The following CD80 variants were observed in gnomAD, a reference collection of about 807,000 sequenced individuals.
CD80 encodes CD80 molecule, also known as T-lymphocyte activation antigen CD80.
Under a neutral mutation model 27.1 loss-of-function variants are expected in CD80, and 13 were observed. The observed-to-expected ratio is 0.48, with a 90% confidence interval of 0.31 to 0.76. The LOEUF (loss-of-function observed/expected upper bound fraction) is 0.76. Ranked by LOEUF, CD80 falls within the 30% of genes least tolerant of loss-of-function variation. The pLI, the probability that CD80 is intolerant of heterozygous loss-of-function variation, is 0.04. For missense variants in CD80, 277 were observed against 347.9 expected, an observed-to-expected ratio of 0.80 and a Z score of 1.62; for synonymous variants, 125 against 125.5, an observed-to-expected ratio of 1.00 and a Z score of 0.03.
intron 3 of CD80, among the ~76,000 whole-genome samples, chr3:119,543,632 G>T (rs1187000225): frequency 2.0e-5 from 3 of 151,566 alleles, no homozygotes; most frequent in African/African-American, 4.8e-5. Context: ...TAGAGATGGG[G>T]TTTCACCATG....
At chr3:119,557,511 C>T (rs767075956) in intron 2 of CD80, 118 bp downstream of exon 2, 60 of 583,824 alleles carry the variant, frequency 1.0e-4, no homozygotes, top group Non-Finnish European at 1.6e-4. Context: ...CTTCTGAAAA[C>T]ACCCTGAAGG....
intron 3 of CD80, among the ~76,000 whole-genome samples, chr3:119,539,113 A>G (rs539544890): frequency 1.4e-4 from 22 of 152,344 alleles, no homozygotes; most frequent in African/African-American, 4.6e-4. Flanking sequence ...ATTTGAAAAT[A>G]TCATTGAAAT....
intron 6 of CD80, among the ~76,000 whole-genome samples, chr3:119,526,553 C>T (rs2082067336): frequency 6.6e-6 from 1 of 152,042 alleles, no homozygotes; most frequent in Non-Finnish European, 1.5e-5. Context: ...GGAGCCTGAA[C>T]TTGATGTCCA....
At chr3:119,555,221 A>G (rs61476613) in intron 2 of CD80, among the ~76,000 whole-genome samples, 2,020 of 152,346 alleles carry the variant, frequency 0.013, 38 homozygotes, top group African/African-American at 0.045. Context: ...CCAGGGCAGT[A>G]CACTTGTTAC....
intron 3 of CD80, among the ~76,000 whole-genome samples, chr3:119,538,005 T>C (rs570970317): frequency 6.6e-6 from 1 of 152,302 alleles, no homozygotes; most frequent in African/African-American, 2.4e-5. Context: ...CCAGAGTACT[T>C]GCAATTGTAA....
chr3:119,526,032 A>T (rs992060901), intron 6 of CD80, among the ~76,000 whole-genome samples: 5 of 152,026 alleles, frequency 3.3e-5, no homozygotes, highest in Non-Finnish European at 5.9e-5. Context: ...ATTATGAGAG[A>T]ACTTAAAACT....
At chr3:119,531,368 C>G (rs1211922240) in intron 4 of CD80, among the ~76,000 whole-genome samples, 1 of 152,260 alleles carries the variant, frequency 6.6e-6, no homozygotes, top group South Asian at 2.1e-4. Context: ...AGGCTGAACA[C>G]TCTCTGGCTT....
At chr3:119,529,610 G>A (rs568066041) in intron 5 of CD80, among the ~76,000 whole-genome samples, 1 of 152,372 alleles carries the variant, frequency 6.6e-6, no homozygotes, top group Non-Finnish European at 1.5e-5. Flanking sequence ...GTGACTTCTT[G>A]TCATTGTAAT....
intron 1 of CD80, among the ~76,000 whole-genome samples, chr3:119,558,867 G>T (rs1308481032): frequency 6.6e-6 from 1 of 151,952 alleles, no homozygotes; most frequent in Non-Finnish European, 1.5e-5. Flanking sequence ...TAAACACTGT[G>T]CTCCACTGTC....
At chr3:119,549,572 T>C (rs1357991675) in intron 2 of CD80, among the ~76,000 whole-genome samples, 3 of 152,162 alleles carry the variant, frequency 2.0e-5, no homozygotes, top group African/African-American at 7.2e-5. Flanking sequence ...CCCTCTCTTT[T>C]CTTAGATAGC....
intron 2 of CD80, among the ~76,000 whole-genome samples, chr3:119,556,248 C>T (rs1362807944): frequency 6.6e-6 from 1 of 152,168 alleles, no homozygotes; most frequent in Non-Finnish European, 1.5e-5. Flanking sequence ...AGATCTCTTT[C>T]CACTTACCTC....
intron 4 of CD80, among the ~76,000 whole-genome samples, chr3:119,531,415 C>A (rs768438386): frequency 3.3e-5 from 5 of 152,238 alleles, no homozygotes; most frequent in African/African-American, 9.6e-5. Context: ...CGTGCCAGCA[C>A]CCTGGCCATA....
rs1169275475 is a variant in CD80, at chr3:119,525,382, T to C, written c.*406A>G. The C allele has an allele frequency of 2.6e-5, 4 of 152,158 alleles. No homozygotes were observed. The highest frequency in any genetic ancestry group is 3.8e-4 in the East Asian group (2 of 5,198). The allele number at this position is 152,158 out of a possible 1,614,324, so 9.4% of individuals were successfully genotyped here. A position where few individuals can be genotyped will look rare whatever the true frequency, so the allele number is the denominator to read the frequency against. On this transcript the variant is annotated 3_prime_UTR_variant, in exon 7 of 7. Coordinates refer to ENST00000264246, the MANE Select transcript of CD80 (RefSeq NM_005191.4). ...TTCCAGCAGCACTTTGCCTGACATATATATGTATATACCAGTTAACAGGCC... is the reference window on the plus strand; with the variant it reads ...TTCCAGCAGCACTTTGCCTGACATACATATGTATATACCAGTTAACAGGCC...
intron 4 of CD80, among the ~76,000 whole-genome samples, chr3:119,533,525 T>C (rs892362765): frequency 3.9e-5 from 6 of 151,954 alleles, no homozygotes; most frequent in Middle Eastern, 3.2e-3. Flanking sequence ...AGGAACCCAG[T>C]GGGAGGTGAC....
intron 4 of CD80, among the ~76,000 whole-genome samples, chr3:119,536,186 G>A (rs2082136900): frequency 6.6e-6 from 1 of 152,056 alleles, no homozygotes; most frequent in Admixed American, 6.5e-5. Context: ...GGAAGGTGGA[G>A]GTTGCAGTGA....
intron 3 of CD80, among the ~76,000 whole-genome samples, chr3:119,538,301 TTCTTC>T (rs2082150255): frequency 1.3e-5 from 2 of 152,318 alleles, no homozygotes; most frequent in South Asian, 2.1e-4. Flanking sequence ...TCCTTTCCCT[TTCTTC>T]TCTTCTCTTC....
intron 2 of CD80, among the ~76,000 whole-genome samples, chr3:119,556,194 G>A (rs567540343): frequency 9.9e-5 from 15 of 152,182 alleles, no homozygotes; most frequent in Non-Finnish European, 1.9e-4. Flanking sequence ...CCAGGATGTA[G>A]CTAGAGAACA....
At chr3:119,526,575 G>C (rs2082067404) in intron 6 of CD80, among the ~76,000 whole-genome samples, 1 of 152,004 alleles carries the variant, frequency 6.6e-6, no homozygotes. Flanking sequence ...TTTGAATCTT[G>C]GTTTTATTCT....
At chr3:119,552,106 G>A (rs942294128) in intron 2 of CD80, among the ~76,000 whole-genome samples, 2 of 152,236 alleles carry the variant, frequency 1.3e-5, no homozygotes, top group African/African-American at 4.8e-5. Context: ...CCACCCTCCT[G>A]CTCTGACCAC....
Sources: gnomAD v4.1 joint callset for allele counts (sites outside exome capture counted in the v4.1 genomes callset) on GRCh38, gnomAD v4.1.1 for gene constraint, MANE v1.5 for transcripts, NCBI Gene and HGNC (gene_info 2026-07-23, HGNC 2026-07-21) for gene names.